Variants in ABHD2 observed in about 807,000 individuals in gnomAD.
ABHD2 encodes monoacylglycerol lipase ABHD2.
Under a neutral mutation model 48.1 loss-of-function variants are expected in ABHD2, and 20 were observed. The ratio of observed to expected loss-of-function variants is 0.42; its 90% CI spans 0.29 to 0.60. The LOEUF is 0.60. Ranked by LOEUF, ABHD2 falls within the 20% of genes least tolerant of loss-of-function variation. The pLI, the probability that ABHD2 is intolerant of heterozygous loss-of-function variation, is 0.24. For synonymous variants in ABHD2, 209 were observed against 214.2 expected (o/e 0.98, Z 0.21); for missense variants, 405 against 550.9 (o/e 0.74, Z 2.65).
chr15:89,187,896 C>T (rs2051238113), intron 7 of ABHD2, among the ~76,000 whole-genome samples: 1 of 152,210 alleles, frequency 6.6e-6, no homozygotes, highest in African/African-American at 2.4e-5. Flanking sequence ...TGGCCCATGG[C>T]CCACCACTCA....
At position 89,088,897 on chromosome 15, in the gene ABHD2, G is replaced by A. The variant is rs1901475477; in HGVS notation, c.-107+334G>A. Among the ~76,000 whole-genome samples, 1 of 152,206 alleles carries A rather than the reference G, an allele frequency of 6.6e-6. No individual in the cohort carries two copies. Among genetic ancestry groups the A allele is most frequent in the South Asian group, 2.1e-4 (1 of 4,832 alleles). ...TCAGGGGCCTGGGGAGGGGTCTGCC[G>A]GTTCAGGCTCGGCGAAGAAGGTCCG... is the stretch of plus-strand genomic sequence containing the variant. On this transcript the variant is annotated intron_variant, in intron 1 of 10. Transcript: ENST00000352732. The surrounding 1 kb of genome is among the most constrained non-coding windows in gnomAD (Gnocchi z 6.8).
chr15:89,169,964 G>GTGTA (rs2050894889), intron 5 of ABHD2, among the ~76,000 whole-genome samples: 1 of 151,134 alleles, frequency 6.6e-6, no homozygotes, highest in East Asian at 2.0e-4. Context: ...TCAGATATGT[G>GTGTA]TGTATGTAAT....
rs2051075124 is a variant in ABHD2, at chr15:89,179,617, T to C, written c.722+3622T>C. On this transcript the variant is annotated intron_variant, in intron 6 of 10. Transcript: ENST00000352732. This position sits in a 1 kb window ranked among gnomAD's most constrained non-coding sequence, Gnocchi z 4.3. ...TTCATTCTGTATGATAATGTAATAA[T>C]AATAGGGAAAAAGTACATTATAAAT... Among the ~76,000 whole-genome samples the C allele has an allele frequency of 6.6e-6, 1 of 152,120 alleles. No individual in the cohort carries two copies. The highest frequency in any genetic ancestry group is 2.1e-4 in the South Asian group (1 of 4,828).
At chr15:89,123,944 T>C (rs1345240768) in intron 3 of ABHD2, among the ~76,000 whole-genome samples, 1 of 152,160 alleles carries the variant, frequency 6.6e-6, no homozygotes, top group Non-Finnish European at 1.5e-5. Flanking sequence ...AAATCTACTT[T>C]TGATTTTTCT....
chr15:89,142,556 G>C (rs138745855), intron 3 of ABHD2, among the ~76,000 whole-genome samples: 2 of 152,224 alleles, frequency 1.3e-5, no homozygotes, highest in South Asian at 2.1e-4. Flanking sequence ...ATTAGAGCAC[G>C]GTAACTATTT....
At chr15:89,153,250 T>G (rs1343710694) in intron 4 of ABHD2, among the ~76,000 whole-genome samples, 2 of 152,238 alleles carry the variant, frequency 1.3e-5, no homozygotes, top group Non-Finnish European at 2.9e-5. Context: ...CGAAACCTAT[T>G]TGTGTGCTTG....
intron 3 of ABHD2, among the ~76,000 whole-genome samples, chr15:89,139,599 A>T (rs1045674806): frequency 6.6e-6 from 1 of 152,310 alleles, no homozygotes; most frequent in Admixed American, 6.5e-5. Flanking sequence ...TTCGGACCTG[A>T]TAACATCTTT....
chr15:89,193,388 C>G (rs1411559190), intron 10 of ABHD2, 69 bp downstream of exon 10: 3 of 1,280,064 alleles, frequency 2.3e-6, no homozygotes, highest in Non-Finnish European at 3.4e-6. Flanking sequence ...GTCACCTTCA[C>G]CATGCTGTCA....
chr15:89,191,153 A>G lies in ABHD2; in HGVS notation c.996+4A>G. ...TTGCATGCGGTACCTGCACAGGGTG[A>G]GTGGCCATCACGGGCTCAGAATCAG... On this transcript the variant is annotated splice_donor_region_variant and intron_variant, in intron 9 of 10. Transcript: ENST00000352732. The G allele has an allele frequency of 6.2e-7, 1 of 1,613,880 alleles. No homozygotes were observed. Among genetic ancestry groups the G allele is most frequent in the Non-Finnish European group, 8.5e-7 (1 of 1,179,918 alleles).
intron 4 of ABHD2, among the ~76,000 whole-genome samples, chr15:89,154,876 G>A (rs2050646215): frequency 6.6e-6 from 1 of 152,180 alleles, no homozygotes; most frequent in South Asian, 2.1e-4. Context: ...TTTTACATAT[G>A]TACAATTACA....
At chr15:89,055,771 A>G in the ABHD2 span, among the ~76,000 whole-genome samples, 1 of 150,402 alleles carries the variant, frequency 6.6e-6, no homozygotes, top group Non-Finnish European at 1.5e-5. Flanking sequence ...TAAGAGTGAG[A>G]TGAAGTGAGA....
chr15:89,121,912 T>G (rs1276368107), intron 3 of ABHD2, among the ~76,000 whole-genome samples: 1 of 152,170 alleles, frequency 6.6e-6, no homozygotes, highest in Non-Finnish European at 1.5e-5. Context: ...CACCGTAACC[T>G]CAAACTCCTG....
At chr15:89,135,535 G>A (rs2050294000) in intron 3 of ABHD2, 2 of 1,363,426 alleles carry the variant, frequency 1.5e-6, no homozygotes, top group Non-Finnish European at 2.1e-6. Flanking sequence ...AACTACACTA[G>A]AACCAACTTA....
At chr15:89,087,420 C>G (rs1046233844), upstream of ABHD2, 6 of 152,224 alleles carry the variant, frequency 3.9e-5, no homozygotes, top group African/African-American at 7.2e-5. This position sits in a 1 kb window ranked among gnomAD's most constrained non-coding sequence, Gnocchi z 5.5. Context: ...TTTCAAGTCG[C>G]TCAAGTGTTC....
intron 3 of ABHD2, among the ~76,000 whole-genome samples, chr15:89,131,104 C>T (rs1221992823): frequency 2.0e-5 from 3 of 152,176 alleles, no homozygotes; most frequent in African/African-American, 7.2e-5. Flanking sequence ...ATTGATCTTG[C>T]AGGCCACCAA....
chr15:89,129,574 A>C (rs2050187365), intron 3 of ABHD2, among the ~76,000 whole-genome samples: 2 of 152,166 alleles, frequency 1.3e-5, no homozygotes, highest in South Asian at 4.1e-4. Flanking sequence ...TTTTTCCCCT[A>C]AGATTGAGAG....
At chr15:89,149,718 A>G (rs2050560077) in intron 3 of ABHD2, among the ~76,000 whole-genome samples, 1 of 152,258 alleles carries the variant, frequency 6.6e-6, no homozygotes, top group Admixed American at 6.5e-5. Context: ...GACTCCTCAG[A>G]TAAAAGTAGT....
chr15:89,065,916 C>G, the ABHD2 span, among the ~76,000 whole-genome samples: 2 of 152,110 alleles, frequency 1.3e-5, no homozygotes, highest in African/African-American at 4.8e-5. Flanking sequence ...ATAATACCTG[C>G]TATGTTCCTG....
Position 89,097,978 on chromosome 15 carries a change from C to T in ABHD2, c.-107+9415C>T, listed in dbSNP as rs1012775213. ...GGATCTGGGCTCACTGCAGCCTCCA[C>T]CTCCTAGACTCAAGTGATCCTTCCA... On this transcript the variant is annotated intron_variant, in intron 1 of 10. Transcript: ENST00000352732. The surrounding 1 kb of genome is among the most constrained non-coding windows in gnomAD (Gnocchi z 4.2). Among the ~76,000 whole-genome samples the T allele has an allele frequency of 1.3e-5, 2 of 152,142 alleles. No individual in the cohort carries two copies. The highest frequency in any genetic ancestry group is 4.8e-5 in the African/African-American group (2 of 41,432).
Sources: gnomAD v4.1 joint callset for allele counts (sites outside exome capture counted in the v4.1 genomes callset) on GRCh38, gnomAD v4.1.1 for gene constraint, Gnocchi (gnomAD v3.1) non-coding constraint, MANE v1.5 for transcripts, NCBI Gene and HGNC (gene_info 2026-07-23, HGNC 2026-07-21) for gene names.